The following BAIAP3 variants were observed in gnomAD, a reference collection of about 807,000 sequenced individuals.
BAIAP3 encodes the protein BAI1 associated protein 3.
BAIAP3 carries 180 observed loss-of-function variants against 149.7 expected under a neutral mutation model. The observed-to-expected ratio is 1.20, with a 90% CI of 1.07 to 1.36. The LOEUF (loss-of-function observed/expected upper bound fraction) is 1.36, where lower values mean the gene tolerates loss of function less well. Ranked by LOEUF, BAIAP3 falls within the 40% of genes most tolerant of loss-of-function variation. The probability of loss-of-function intolerance (pLI) is 0.00; values close to 1 mark genes in which losing one functional copy is unlikely to be tolerated. For missense variants in BAIAP3, 1,767 were observed against 1,563.4 expected (o/e 1.13, Z -2.20); for synonymous variants, 845 against 670.7 (o/e 1.26, Z -4.02).
At position 1,345,091 on chromosome 16, in the gene BAIAP3, C is replaced by A. The variant is rs552420271; in HGVS notation, c.1932C>A (p.Ile644=). ...LADLQRFWDS[I]PGRDSRSLAL... is the part of the protein sequence containing the mutation. ...ACCTCCAGCGCTTCTGGGATAGCAT[C>A]CCTGGCCGGTGGGTGCCCCGTCCCT... The change falls in exon 21 of 34, where the codon ATC becomes ATA. Residue 644 remains isoleucine (I), a synonymous_variant. Coordinates refer to ENST00000426824, the MANE Select transcript of BAIAP3 (RefSeq NM_001199097.2). 2.5e-6 allele frequency: 4 copies of A among 1,612,624 alleles called. No homozygotes were observed. In the East Asian group the frequency reaches 8.9e-5, roughly 36 times the overall value.
intron 5 of BAIAP3, among the ~76,000 whole-genome samples, chr16:1,340,551 G>T (rs2033855169): frequency 6.6e-6 from 1 of 152,146 alleles, no homozygotes; most frequent in South Asian, 2.1e-4. Flanking sequence ...CACACAGGCT[G>T]CAGGTGCACA....
At chr16:1,335,249 C>A (rs1178495024) in intron 1 of BAIAP3, among the ~76,000 whole-genome samples, 1 of 152,234 alleles carries the variant, frequency 6.6e-6, no homozygotes, top group Non-Finnish European at 1.5e-5. Context: ...AGCCAGGGAG[C>A]AAGGTGGGAT....
In BAIAP3 at chr16:1,343,484, G is replaced by C; in HGVS notation, c.1357G>C (p.Glu453Gln). ...GLLEDMQAHW[E>Q]EAPSLPQEQE... ...GCTGGAGGACATGCAGGCACACTGGGAAGAGGCTCCTTCACTGCCCCAGGA... is the reference window on the plus strand; with the variant it reads ...GCTGGAGGACATGCAGGCACACTGGCAAGAGGCTCCTTCACTGCCCCAGGA... The change falls in exon 15 of 34, where the codon GAA (glutamate) becomes CAA (glutamine). Residue 453 changes from glutamate to glutamine, a missense_variant. Glu to Gln is a conservative substitution (Grantham distance 29). Transcript: ENST00000426824. 1.7e-5 allele frequency: 27 copies of C among 1,605,026 alleles called. No homozygotes were observed. The highest frequency in any genetic ancestry group is 2.3e-5 in the Non-Finnish European group (27 of 1,177,270).
At chr16:1,340,587 C>T (rs927945296) in intron 5 of BAIAP3, among the ~76,000 whole-genome samples, 20 of 152,322 alleles carry the variant, frequency 1.3e-4, no homozygotes, top group Non-Finnish European at 2.9e-4. Context: ...TGCATGTCTA[C>T]ACAGACACAC....
chr16:1,339,570 C>T lies in BAIAP3; in HGVS notation c.375C>T (p.Asp125=), dbSNP rs374580348. ...RAGTMGPDQV[D]DEEALLSYLQ... is the part of the protein sequence containing the mutation. ...GTACCATGGGCCCTGACCAGGTGGA[C>T]GACGAGGAGGCCCTGCTCAGCTATC... The change falls in exon 5 of 34, where the codon GAC becomes GAT. Residue 125 remains aspartate, a synonymous_variant. Coordinates refer to ENST00000426824, the MANE Select transcript of BAIAP3 (RefSeq NM_001199097.2). 1.0e-4 allele frequency: 162 copies of T among 1,612,586 alleles called. 1 individual carries two copies. The Middle Eastern group carries it at 1.2e-3, about 12-fold the overall frequency.
chr16:1,345,142 C>A, intron 21 of BAIAP3, 43 bp downstream of exon 21: 4 of 1,611,552 alleles, frequency 2.5e-6, no homozygotes, highest in Non-Finnish European at 3.4e-6. Flanking sequence ...ACTTTGGGAC[C>A]AGGGCCCCAG....
chr16:1,346,260 C>T lies in BAIAP3; in HGVS notation c.2392C>T (p.Pro798Ser). ...GLAWPEGATG[P>S]EGVLPRPLLS... is the part of the protein sequence containing the mutation. ...GGCATGGCCAGAGGGGGCCACGGGG[C>T]CCGAGGGGGTGCTCCCCCGCCCTCT... is the stretch of plus-strand genomic sequence containing the variant. The change falls in exon 25 of 34, where the codon CCC becomes TCC. Residue 798 changes from proline to serine, a missense_variant. Physicochemically the swap from Pro to Ser is moderately conservative, Grantham distance 74. Transcript: ENST00000426824. 1.2e-6 allele frequency: 2 copies of T among 1,610,486 alleles called. No individual in the cohort carries two copies. The highest frequency in any genetic ancestry group is 1.7e-6 in the Non-Finnish European group (2 of 1,178,642).
At position 1,347,831 on chromosome 16, in the gene BAIAP3, A is replaced by AGG; in HGVS notation, c.3025+11_3025+12insGG. 1 of 1,602,910 alleles carries AGG rather than the reference A, an allele frequency of 6.2e-7. No homozygotes were observed. The highest frequency in any genetic ancestry group is 8.5e-7 in the Non-Finnish European group (1 of 1,173,732). On this transcript the variant is annotated intron_variant, in intron 31 of 33. Coordinates refer to ENST00000426824, the MANE Select transcript of BAIAP3 (RefSeq NM_001199097.2). The stretch of plus-strand genomic sequence containing the variant: ...CCCCTGGACGCCAACGGTGAGTTGC[A>AGG]GCGGGGACGGGTCGGGTGGTGGTGG...
chr16:1,348,205 C>T lies in BAIAP3; in HGVS notation c.3259C>T (p.Leu1087=). 6.2e-7 allele frequency: 1 copy of T among 1,608,998 alleles called. No homozygotes were observed. Among genetic ancestry groups the T allele is most frequent in the Non-Finnish European group, 8.5e-7 (1 of 1,179,488 alleles). Residue 1087 remains leucine, a synonymous_variant, in exon 33 of 34, where the codon CTA becomes TTA. Transcript: ENST00000426824. ...NDFAGEAALG[L]GGVTGVARPQ... ...CTTCGCTGGGGAGGCGGCCCTCGGC[C>T]TAGGTGGCGTCACTGGTGTCGCCCG...
intron 14 of BAIAP3, 163 bp downstream of exon 14, chr16:1,343,179 G>C: frequency 4.7e-6 from 5 of 1,056,652 alleles, no homozygotes; most frequent in Non-Finnish European, 6.8e-6. Flanking sequence ...GAAGGGAAGG[G>C]GGCGGTGCTA....
chr16:1,345,095 G>A lies in BAIAP3; in HGVS notation c.1936G>A (p.Gly646Ser), dbSNP rs1412019780. The A allele has an allele frequency of 6.2e-7, 1 of 1,612,632 alleles. No homozygotes were observed. The highest frequency in any genetic ancestry group is 1.1e-5 in the South Asian group (1 of 91,054). Residue 646 changes from glycine (G) to serine (S), a missense_variant, in exon 21 of 34, where the codon GGC (glycine) becomes AGC (serine). By Grantham distance (56) the Gly-to-Ser change is moderately conservative. Transcript: ENST00000426824. ...CCAGCGCTTCTGGGATAGCATCCCT[G>A]GCCGGTGGGTGCCCCGTCCCTATCT... ...DLQRFWDSIP[G>S]RDSRSLALAG...
chr16:1,346,579 C>A (rs190669004), intron 26 of BAIAP3, 26 bp from the exon 27 acceptor site: 1 of 1,564,360 alleles, frequency 6.4e-7, no homozygotes, highest in Non-Finnish European at 8.7e-7. Flanking sequence ...GCGGGGTAAG[C>A]CTGGCCTGAC....
At position 1,347,941 on chromosome 16, in the gene BAIAP3, T is replaced by C. The variant is rs2034495015; in HGVS notation, c.3073T>C (p.Phe1025Leu). ...CGTGGAGCTGGGCCCACCGCATCTC[T>C]TTCCACTGGTCCGCAGCCAGAGGAC... Reference protein sequence around the residue: ...VIVELGPPHLFPLVRSQRTQV... With the variant: ...VIVELGPPHLLPLVRSQRTQV... The change falls in exon 32 of 34, where the codon TTT (phenylalanine) becomes CTT (leucine). Residue 1025 changes from phenylalanine to leucine, a missense_variant. Transcript: ENST00000426824. The C allele has an allele frequency of 1.2e-6, 2 of 1,611,992 alleles. No homozygotes were observed.
intron 21 of BAIAP3, 31 bp from the exon 22 acceptor site, chr16:1,345,218 G>C (rs200748175): frequency 2.5e-6 from 4 of 1,611,300 alleles, no homozygotes; most frequent in African/African-American, 1.3e-5. Context: ...GTCTGAGTCA[G>C]GGCCGAGCCC....
chr16:1,338,454 C>A, intron 1 of BAIAP3, 86 bp from the exon 2 acceptor site: 2 of 138,714 alleles, frequency 1.4e-5, no homozygotes, highest in Non-Finnish European at 1.6e-5. Flanking sequence ...CCTCTTCCCG[C>A]CCCACCCCCC....
intron 2 of BAIAP3, 31 bp from the exon 3 acceptor site, chr16:1,338,871 G>C (rs776197907): frequency 2.5e-6 from 4 of 1,612,090 alleles, no homozygotes; most frequent in Non-Finnish European, 3.4e-6. Flanking sequence ...AGCGTGCTGA[G>C]AGCTGTGAGC....
rs372918251 is a variant in BAIAP3 at position 1,344,209 on chromosome 16, C to T, written c.1512-18C>T. ...GCTGGCAGGGCAGGCCCCACGTCAG[C>T]GTGCTGCCCCCACCCAGGTGTCTGG... On this transcript the variant is annotated intron_variant, in intron 16 of 33. Coordinates refer to ENST00000426824, the MANE Select transcript of BAIAP3 (RefSeq NM_001199097.2). 1.3e-5 allele frequency: 21 copies of T among 1,612,832 alleles called. No individual in the cohort carries two copies. The highest frequency in any genetic ancestry group is 5.3e-5 in the African/African-American group (4 of 74,932).
chr16:1,343,599 GA>G, intron 15 of BAIAP3, 86 bp downstream of exon 15: 1 of 1,542,394 alleles, frequency 6.5e-7, no homozygotes, highest in Non-Finnish European at 8.8e-7. Flanking sequence ...GCGAGGGGCA[GA>G]GTCCTGCCCG....
At position 1,348,502 on chromosome 16, in the gene BAIAP3, CGGCCCT is replaced by C. The variant is rs1185627900; in HGVS notation, c.*26_*31del. The C allele has an allele frequency of 3.2e-6, 5 of 1,585,960 alleles. No individual in the cohort carries two copies. Among genetic ancestry groups the C allele is most frequent in the East Asian group, 2.3e-5 (1 of 43,200 alleles). On this transcript the variant is annotated 3_prime_UTR_variant, in exon 34 of 34. Transcript: ENST00000426824. The stretch of plus-strand genomic sequence containing the variant: ...CCCTGAGTCCATCAGCTGCCAGCCC[CGGCCCT>C]GGCCCCCACCCCAAGTTCCCTGAAG...
Sources: allele counts gnomAD v4.1 joint callset (sites outside exome capture counted in the v4.1 genomes callset), GRCh38; gene constraint gnomAD v4.1.1; transcripts MANE v1.5; gene names NCBI Gene and HGNC (gene_info 2026-07-23, HGNC 2026-07-21).